The following KIF2C variants were observed in gnomAD, a reference collection of about 807,000 sequenced individuals.
KIF2C encodes the protein kinesin-like protein KIF2C.
In KIF2C, 34 loss-of-function variants were observed where a neutral mutation model predicts 97.4. The ratio of observed to expected loss-of-function variants is 0.35; its 90% CI spans 0.27 to 0.46. The LOEUF is 0.46. Among genes scored for constraint, KIF2C ranks in the 20% least tolerant of loss-of-function variants. The pLI is 1.00. For missense variants in KIF2C, 750 were observed against 907.6 expected, an observed-to-expected ratio of 0.83 and a Z score of 2.23; for synonymous variants, 313 against 318.2, an observed-to-expected ratio of 0.98 and a Z score of 0.17.
intron 8 of KIF2C, 118 bp downstream of exon 8, chr1:44,754,963 A>T (rs1024094253): frequency 2.4e-4 from 151 of 628,242 alleles, no homozygotes; most frequent in Middle Eastern, 1.3e-3. Context: ...TTTTATTATT[A>T]TTTTTTTTTG....
intron 19 of KIF2C, among the ~76,000 whole-genome samples, chr1:44,766,312 G>A (rs983091438): frequency 6.6e-6 from 1 of 152,098 alleles, no homozygotes; most frequent in African/African-American, 2.4e-5. Context: ...AAGAGATGGG[G>A]ATAAGCTTGG....
At chr1:44,750,792 T>A (rs541684809) in intron 5 of KIF2C, among the ~76,000 whole-genome samples, 6 of 152,344 alleles carry the variant, frequency 3.9e-5, no homozygotes, top group African/African-American at 1.4e-4. Flanking sequence ...GCATTGAGTA[T>A]TTAGTTCTGT....
At chr1:44,740,111 C>A in intron 1 of KIF2C, 109 bp downstream of exon 1, 2 of 1,324,978 alleles carry the variant, frequency 1.5e-6, no homozygotes, top group Non-Finnish European at 2.2e-6. Context: ...TCTCTCCCTC[C>A]CTCCTTTTCA....
intron 7 of KIF2C, 46 bp from the exon 8 acceptor site, chr1:44,754,704 C>G (rs776360246): frequency 2.6e-6 from 3 of 1,144,362 alleles, no homozygotes; most frequent in South Asian, 2.5e-5. Context: ...TCTGAGAGCA[C>G]TTATATCTTA....
In KIF2C at chr1:44,754,819, T is replaced by G. The variant is rs761569452; in HGVS notation, c.733T>G (p.Cys245Gly). 14 of 1,611,196 alleles carry G rather than the reference T, an allele frequency of 8.7e-6. No homozygotes were observed. The highest frequency in any genetic ancestry group is 1.1e-5 in the Non-Finnish European group (13 of 1,177,416). Residue 245 changes from cysteine to glycine, a missense_variant, in exon 8 of 21, where the codon TGT (cysteine) becomes GGT (glycine). Physicochemically the swap from Cys to Gly is radical, Grantham distance 159. Transcript: ENST00000372224. ...MIKEFRATLE[C>G]HPLTMTDPIE... ...TAAAGAATTTCGGGCTACTTTGGAA[T>G]GTCATCCACTTACTATGACTGATCC... is the stretch of plus-strand genomic sequence containing the variant.
chr1:44,757,432 C>T (rs1019512448), intron 10 of KIF2C, 124 bp from the exon 11 acceptor site: 2 of 677,582 alleles, frequency 3.0e-6, no homozygotes, highest in African/African-American at 3.6e-5. Flanking sequence ...ACCACTGAGG[C>T]AGGAGAGGAG....
intron 4 of KIF2C, 45 bp downstream of exon 4, chr1:44,747,745 G>A: frequency 6.4e-7 from 1 of 1,568,918 alleles, no homozygotes; most frequent in Non-Finnish European, 8.7e-7. Context: ...TTTGTGTCAG[G>A]AATTATGTTT....
At position 44,740,932 on chromosome 1, in the gene KIF2C, T is replaced by C. The variant is rs375349838; in HGVS notation, c.90T>C (p.Asn30=). The C allele has an allele frequency of 9.9e-6, 16 of 1,613,046 alleles. No individual in the cohort carries two copies. The African/African-American group carries it at 1.9e-4, about 19-fold the overall frequency. ...QRSNGLIHSA[N]VRTVNLEKSC... is the part of the protein sequence containing the mutation. ...TTATAGGTTTAATTCACAGTGCCAA[T>C]GTAAGGACTGTGAACTTGGAGAAAT... The change falls in exon 2 of 21, where the codon AAT becomes AAC. Residue 30 remains asparagine, a synonymous_variant. Transcript: ENST00000372224.
intron 6 of KIF2C, 56 bp from the exon 7 acceptor site, chr1:44,753,677 A>T: frequency 1.6e-6 from 2 of 1,288,088 alleles, no homozygotes; most frequent in Non-Finnish European, 2.2e-6. Context: ...AGGCTGGCTT[A>T]AACTGGTAAC....
chr1:44,759,934 C>A (rs1650051158), intron 14 of KIF2C, among the ~76,000 whole-genome samples: 1 of 152,132 alleles, frequency 6.6e-6, no homozygotes, highest in South Asian at 2.1e-4. Flanking sequence ...GGGGGCTGCC[C>A]TCTACAGGGT....
Position 44,767,311 on chromosome 1 carries a change from G to A in KIF2C, c.*132G>A. 1.4e-6 allele frequency: 1 copy of A among 703,998 alleles called. No individual in the cohort carries two copies. Among genetic ancestry groups the A allele is most frequent in the Admixed American group, 2.5e-5 (1 of 40,308 alleles). The allele number at this position is 703,998 out of a possible 1,614,324, so 43.6% of individuals were successfully genotyped here. ...GGTTCTGGTAAATGCCAAGTATGGG[G>A]GCATCTGGGCCCAGGGCAGCTGGGG... On this transcript the variant is annotated 3_prime_UTR_variant, in exon 21 of 21. Transcript: ENST00000372224.
At position 44,762,430 on chromosome 1, in the gene KIF2C, C is replaced by T. The variant is rs139988197; in HGVS notation, c.1836C>T (p.Asn612=). The T allele has an allele frequency of 6.6e-5, 106 of 1,614,022 alleles. 1 individual carries two copies. The highest frequency in any genetic ancestry group is 5.7e-4 in the African/African-American group (43 of 74,912). The change falls in exon 18 of 21, where the codon AAC becomes AAT. Residue 612 remains asparagine (N), a synonymous_variant. Transcript: ENST00000372224. The part of the protein sequence containing the change: ...METEEMEACS[N]GALIPGNLSK... ...CAGAAGAGATGGAAGCCTGCTCTAA[C>T]GGGGCGCTGATTCCAGGCAATGTAA... is the stretch of plus-strand genomic sequence containing the variant.
chr1:44,750,672 C>A (rs1484361820), intron 5 of KIF2C, 108 bp downstream of exon 5: 25 of 1,257,576 alleles, frequency 2.0e-5, no homozygotes, highest in Non-Finnish European at 2.0e-5. Flanking sequence ...AGCTTCAGAA[C>A]TGGTCTGCTC....
chr1:44,757,854 T>C (rs1649921786), intron 11 of KIF2C, 54 bp from the exon 12 acceptor site: 1 of 1,564,100 alleles, frequency 6.4e-7, no homozygotes, highest in Non-Finnish European at 8.8e-7. Context: ...CCAGTAGTGC[T>C]CTGCTCTAGG....
At chr1:44,744,005 C>T (rs1393555731) in intron 2 of KIF2C, among the ~76,000 whole-genome samples, 1 of 151,246 alleles carries the variant, frequency 6.6e-6, no homozygotes, top group Non-Finnish European at 1.5e-5. Context: ...CTTGTTTTAC[C>T]TCAGATCAAA....
intron 19 of KIF2C, among the ~76,000 whole-genome samples, chr1:44,765,324 G>C (rs1474930911): frequency 6.6e-6 from 1 of 152,040 alleles, no homozygotes; most frequent in Admixed American, 6.6e-5. Flanking sequence ...AAAGAACTGA[G>C]GGTAGGGATA....
intron 5 of KIF2C, among the ~76,000 whole-genome samples, chr1:44,751,542 CTT>C (rs1312053332): frequency 7.3e-6 from 1 of 137,674 alleles, no homozygotes; most frequent in East Asian, 2.1e-4. Flanking sequence ...GAATTTTGCT[CTT>C]GTTGCCCAGG....
intron 11 of KIF2C, 75 bp downstream of exon 11, chr1:44,757,721 G>A: frequency 8.3e-7 from 1 of 1,212,074 alleles, no homozygotes; most frequent in Non-Finnish European, 1.2e-6. Context: ...GAGACAATGA[G>A]TTTGTTGAGA....
chr1:44,762,323 C>A (rs1650202523), intron 17 of KIF2C, 23 bp from the exon 18 acceptor site: 1 of 1,593,376 alleles, frequency 6.3e-7, no homozygotes, highest in South Asian at 1.1e-5. Context: ...GCTGTGGGAT[C>A]TGAGACCTCC....
Sources: gnomAD v4.1 joint callset for allele counts (sites outside exome capture counted in the v4.1 genomes callset) on GRCh38, gnomAD v4.1.1 for gene constraint, MANE v1.5 for transcripts, NCBI Gene and HGNC (gene_info 2026-07-23, HGNC 2026-07-21) for gene names.